The following CCDC40 variants were observed in gnomAD, a reference collection of about 807,000 sequenced individuals.
CCDC40 encodes coiled-coil domain 40 molecular ruler complex subunit.
CCDC40 carries 104 observed loss-of-function variants against 124.5 expected under a neutral mutation model. The observed-to-expected ratio is 0.84, with a 90% CI of 0.71 to 0.98. The LOEUF (loss-of-function observed/expected upper bound fraction) is 0.98. Ranked by LOEUF, CCDC40 falls within the 50% of genes least tolerant of loss-of-function variation. CCDC40 has a pLI of 0.00. For synonymous variants in CCDC40, 580 were observed against 602.9 expected, an observed-to-expected ratio of 0.96 and a Z score of 0.56; for missense variants, 1,463 against 1,503.9, an observed-to-expected ratio of 0.97 and a Z score of 0.45.
intron 9 of CCDC40, among the ~76,000 whole-genome samples, chr17:80,060,705 C>T (rs139350945): frequency 1.1e-3 from 160 of 151,950 alleles, no homozygotes; most frequent in African/African-American, 3.6e-3. Context: ...AAAACAAAAC[C>T]GTAAAGTTCT....
intron 10 of CCDC40, among the ~76,000 whole-genome samples, chr17:80,080,193 C>CAA (rs1345483311): frequency 2.3e-5 from 2 of 86,708 alleles, no homozygotes; most frequent in African/African-American, 1.1e-4. Flanking sequence ...GAGACTGTCT[C>CAA]AAAAAAAAAA....
rs547942941 is a variant in CCDC40, at chr17:80,067,631, G to T, written c.1562+2025G>T. On this transcript the variant is annotated intron_variant, in intron 10 of 19. Transcript: ENST00000397545. Reference sequence around the variant, plus strand: ...TGCCCGGGGCATCGAGGGCGTTCGCGTCCGTCTGTTATGGCGGTGCTGCTG... The same window carrying T: ...TGCCCGGGGCATCGAGGGCGTTCGCTTCCGTCTGTTATGGCGGTGCTGCTG... The T allele has an allele frequency of 2.6e-6, 4 of 1,536,142 alleles. No individual in the cohort carries two copies. The African/African-American group carries it at 4.1e-5, about 16-fold the overall frequency.
intron 7 of CCDC40, among the ~76,000 whole-genome samples, chr17:80,056,765 C>T (rs746314323): frequency 6.6e-6 from 1 of 151,648 alleles, no homozygotes; most frequent in Non-Finnish European, 1.5e-5. Flanking sequence ...CTTAGCCAGG[C>T]CTGGTGGCTC....
intron 7 of CCDC40, among the ~76,000 whole-genome samples, chr17:80,056,795 T>A (rs1478487847): frequency 6.6e-6 from 1 of 151,964 alleles, no homozygotes; most frequent in East Asian, 1.9e-4. Flanking sequence ...ATCCCAGCAC[T>A]TTGGGAGGCC....
At chr17:80,072,220 ACTTT>A (rs2038209462) in intron 10 of CCDC40, among the ~76,000 whole-genome samples, 1 of 152,186 alleles carries the variant, frequency 6.6e-6, no homozygotes, top group Admixed American at 6.5e-5. Context: ...GAGAACCTGT[ACTTT>A]CTATTGGTGC....
chr17:80,051,608 G>A (rs1169378166), intron 7 of CCDC40, among the ~76,000 whole-genome samples: 3 of 133,670 alleles, frequency 2.2e-5, no homozygotes, highest in Admixed American at 8.1e-5. Context: ...CAGCCTGGGC[G>A]ACAGAGCGAG....
At chr17:80,064,146 C>T (rs905787637) in intron 9 of CCDC40, among the ~76,000 whole-genome samples, 34 of 152,146 alleles carry the variant, frequency 2.2e-4, no homozygotes, top group African/African-American at 4.8e-4. Flanking sequence ...TTTTAGGTTA[C>T]GTCGTAATGA....
At chr17:80,089,308 G>C in intron 16 of CCDC40, among the ~76,000 whole-genome samples, 1 of 152,252 alleles carries the variant, frequency 6.6e-6, no homozygotes, top group Non-Finnish European at 1.5e-5. Flanking sequence ...GGGATGAATA[G>C]CGCAGGGATC....
rs775908941 is a variant in CCDC40, at chr17:80,050,031, G to A, written c.940-33G>A. 15 of 1,613,444 alleles carry A rather than the reference G, an allele frequency of 9.3e-6. No homozygotes were observed. The African/African-American group carries it at 1.2e-4, about 13-fold the overall frequency. ...TCTCCCACCCTGGTCGGATGCCTGC[G>A]TCCTGGTGACCCTGTTTCTCTCTTT... is the stretch of plus-strand genomic sequence containing the variant. On this transcript the variant is annotated intron_variant, in intron 6 of 19. Transcript: ENST00000397545.
In CCDC40 at chr17:80,088,058, C is replaced by T. The variant is rs369253136; in HGVS notation, c.2667C>T (p.Leu889=). The T allele has an allele frequency of 1.1e-5, 17 of 1,613,866 alleles. No individual in the cohort carries two copies. The highest frequency in any genetic ancestry group is 1.7e-5 in the Admixed American group (1 of 60,006). Residue 889 remains leucine, a synonymous_variant, in exon 16 of 20, where the codon CTC becomes CTT. Coordinates refer to ENST00000397545, the MANE Select transcript of CCDC40 (RefSeq NM_017950.4). ...AGATGCAGGACAAGCTGAACCAGCT[C>T]AGCGAGGAGAAGGCGACCCTCCTGA... ...TIKMQDKLNQ[L]SEEKATLLNQ... is the part of the protein sequence containing the mutation.
intron 1 of CCDC40, among the ~76,000 whole-genome samples, chr17:80,037,688 A>ATATATATATATATATATATAT (rs1555889124): frequency 2.2e-4 from 10 of 45,706 alleles, no homozygotes; most frequent in East Asian, 5.9e-4. Flanking sequence ...TTTTTTAAAA[A>ATATATATATATATATATATAT]AGATATACAT....
chr17:80,071,583 C>A (rs1193477929), intron 10 of CCDC40, among the ~76,000 whole-genome samples: 2 of 152,136 alleles, frequency 1.3e-5, no homozygotes, highest in African/African-American at 4.8e-5. Flanking sequence ...TGGACTTTAC[C>A]ATGGTATTAA....
At chr17:80,051,903 A>T in intron 7 of CCDC40, among the ~76,000 whole-genome samples, 1 of 152,184 alleles carries the variant, frequency 6.6e-6, no homozygotes, top group Non-Finnish European at 1.5e-5. Context: ...TTCCAAAAAG[A>T]TCCAAACACT....
intron 10 of CCDC40, among the ~76,000 whole-genome samples, chr17:80,077,138 G>A (rs1437415008): frequency 6.6e-6 from 1 of 152,188 alleles, no homozygotes; most frequent in African/African-American, 2.4e-5. Flanking sequence ...AAGATTGTGT[G>A]ACTTGCTTTA....
chr17:80,052,703 C>T (rs2037632794), intron 7 of CCDC40, among the ~76,000 whole-genome samples: 1 of 152,254 alleles, frequency 6.6e-6, no homozygotes, highest in Non-Finnish European at 1.5e-5. Flanking sequence ...TGCGGAGGCA[C>T]CAACTGGTAG....
At chr17:80,093,973 T>G (rs929115751) in intron 17 of CCDC40, among the ~76,000 whole-genome samples, 1 of 152,214 alleles carries the variant, frequency 6.6e-6, no homozygotes, top group Non-Finnish European at 1.5e-5. Flanking sequence ...TTTCTTAGTG[T>G]GGCTCCAAGT....
intron 7 of CCDC40, among the ~76,000 whole-genome samples, chr17:80,052,129 A>G (rs1031344449): frequency 1.3e-5 from 2 of 152,220 alleles, no homozygotes; most frequent in Non-Finnish European, 2.9e-5. Flanking sequence ...CACCTGCCTC[A>G]TCTGGGAGGG....
chr17:80,044,736 T>TATA (rs1265310460), intron 3 of CCDC40, among the ~76,000 whole-genome samples: 2 of 145,358 alleles, frequency 1.4e-5, no homozygotes, highest in African/African-American at 5.4e-5. Context: ...TATATATATA[T>TATA]ATCTCAACAA....
In CCDC40 at chr17:80,087,169, G is replaced by A. The variant is rs1044297100; in HGVS notation, c.2450-438G>A. ...CATCTTAACATCAAGAAGAGCTGTT[G>A]TTTTCTGCCCCTACCCCTGAGCTTG... On this transcript the variant is annotated intron_variant, in intron 14 of 19. Transcript: ENST00000397545. The surrounding 1 kb of genome is among the most constrained non-coding windows in gnomAD (Gnocchi z 4.5). 1.1e-4 allele frequency: 28 copies of A among 256,368 alleles called. No homozygotes were observed. The highest frequency in any genetic ancestry group is 5.0e-4 in the African/African-American group (23 of 45,748). The allele number at this position is 256,368 out of a possible 1,614,324, so 15.9% of individuals were successfully genotyped here. A position where few individuals can be genotyped will look rare whatever the true frequency, so the allele number is the denominator to read the frequency against.
Sources: gnomAD v4.1 joint callset for allele counts (sites outside exome capture counted in the v4.1 genomes callset) on GRCh38, gnomAD v4.1.1 for gene constraint, Gnocchi (gnomAD v3.1) non-coding constraint, MANE v1.5 for transcripts, NCBI Gene and HGNC (gene_info 2026-07-23, HGNC 2026-07-21) for gene names.